MYLK: variants seen among roughly 807,000 people sequenced by gnomAD.
The protein encoded by MYLK is myosin light chain kinase.
MYLK carries 106 observed loss-of-function variants against 203.4 expected under a neutral mutation model. The observed-to-expected ratio is 0.52, with a 90% CI of 0.45 to 0.61. MYLK has a LOEUF of 0.61. Ranked by LOEUF, MYLK falls within the 20% of genes least tolerant of loss-of-function variation. The probability of loss-of-function intolerance (pLI) is 0.00; values close to 1 mark genes in which losing one functional copy is unlikely to be tolerated. For missense variants in MYLK, 2,072 were observed against 2,442.3 expected (o/e 0.85, Z 3.20); for synonymous variants, 867 against 959.5 (o/e 0.90, Z 1.78).
chr3:123,881,006 C>A (rs72974255), intron 1 of MYLK, among the ~76,000 whole-genome samples: 6 of 152,140 alleles, frequency 3.9e-5, no homozygotes, highest in Non-Finnish European at 7.3e-5. Context: ...TGGCATCAAA[C>A]GAATGGAAAA....
chr3:123,830,019 C>T (rs768771616), intron 3 of MYLK, among the ~76,000 whole-genome samples: 17 of 152,142 alleles, frequency 1.1e-4, no homozygotes, highest in Non-Finnish European at 2.2e-4. Flanking sequence ...TGCAAATGTT[C>T]CCGTCACAGC....
chr3:123,803,758 C>A (rs7613712), intron 3 of MYLK, among the ~76,000 whole-genome samples: 1 of 152,278 alleles, frequency 6.6e-6, no homozygotes, highest in South Asian at 2.1e-4. Context: ...CAGGCAGGCA[C>A]ACCTGGTCCT....
intron 2 of MYLK, among the ~76,000 whole-genome samples, chr3:123,876,023 C>G (rs539466047): frequency 6.6e-6 from 1 of 152,272 alleles, no homozygotes; most frequent in South Asian, 2.1e-4. Flanking sequence ...TAATATTCCT[C>G]AGACTTATTC....
chr3:123,801,503 G>C (rs2065194357), intron 3 of MYLK, among the ~76,000 whole-genome samples: 1 of 152,146 alleles, frequency 6.6e-6, no homozygotes, highest in African/African-American at 2.4e-5. Context: ...CTGAGGCTTG[G>C]GGTATGATTA....
At chr3:123,814,509 T>C (rs1387589863) in intron 3 of MYLK, among the ~76,000 whole-genome samples, 2 of 152,190 alleles carry the variant, frequency 1.3e-5, no homozygotes, top group Admixed American at 6.5e-5. Context: ...AAATGACTTT[T>C]CCCCCAATAT....
At chr3:123,761,052 T>C (rs1258352747) in intron 4 of MYLK, among the ~76,000 whole-genome samples, 1 of 152,128 alleles carries the variant, frequency 6.6e-6, no homozygotes, top group Non-Finnish European at 1.5e-5. Flanking sequence ...ATAATAAATC[T>C]GGAGTTTTTA....
At chr3:123,824,127 T>C (rs1186753699) in intron 3 of MYLK, among the ~76,000 whole-genome samples, 1 of 151,678 alleles carries the variant, frequency 6.6e-6, no homozygotes, top group Non-Finnish European at 1.5e-5. Context: ...TTCACTCTTG[T>C]CCCCCAGGCT....
At chr3:123,690,704 C>T (rs983082028) in intron 19 of MYLK, among the ~76,000 whole-genome samples, 1 of 152,104 alleles carries the variant, frequency 6.6e-6, no homozygotes, top group Admixed American at 6.5e-5. Flanking sequence ...AAGAGGCCAC[C>T]CTTATCCTTT....
chr3:123,680,087 A>G (rs1576527748), intron 20 of MYLK, among the ~76,000 whole-genome samples: 1 of 152,142 alleles, frequency 6.6e-6, no homozygotes, highest in Non-Finnish European at 1.5e-5. Context: ...AGTGGTTTAA[A>G]TGCTCCCCAG....
At chr3:123,677,466 G>C (rs757296346) in intron 20 of MYLK, among the ~76,000 whole-genome samples, 4 of 150,444 alleles carry the variant, frequency 2.7e-5, no homozygotes, top group Non-Finnish European at 5.9e-5. Context: ...CCTGGAGTCC[G>C]ACAGGAGTAT....
chr3:123,756,150 G>A (rs1459964843), intron 4 of MYLK, among the ~76,000 whole-genome samples: 1 of 152,188 alleles, frequency 6.6e-6, no homozygotes, highest in Non-Finnish European at 1.5e-5. Context: ...AGGTTGAGTG[G>A]TTGTCTCCAT....
chr3:123,693,028 C>A (rs1468659681), intron 18 of MYLK, among the ~76,000 whole-genome samples, 177 bp from the exon 19 acceptor site: 2 of 152,150 alleles, frequency 1.3e-5, no homozygotes, highest in Non-Finnish European at 1.5e-5. Context: ...CTGCTTATAA[C>A]CCATGTCCAA....
chr3:123,621,675 A>C (rs2057867999), intron 31 of MYLK: 1 of 152,238 alleles, frequency 6.6e-6, no homozygotes, highest in Admixed American at 6.5e-5. Flanking sequence ...GGATGACCTT[A>C]CTGTCATGCC....
chr3:123,737,648 C>T, intron 7 of MYLK, 105 bp from the exon 8 acceptor site: 1 of 1,448,624 alleles, frequency 6.9e-7, no homozygotes, highest in Non-Finnish European at 9.6e-7. Context: ...AGGGCCTGGG[C>T]AGCAGCGTCC....
chr3:123,635,480 A>G (rs2058608027), intron 29 of MYLK, among the ~76,000 whole-genome samples: 1 of 152,170 alleles, frequency 6.6e-6, no homozygotes, highest in South Asian at 2.1e-4. Context: ...AAGATGTGGC[A>G]CAGGATTGAT....
intron 3 of MYLK, among the ~76,000 whole-genome samples, chr3:123,830,295 C>T (rs903445332): frequency 1.3e-5 from 2 of 152,338 alleles, no homozygotes; most frequent in Middle Eastern, 3.4e-3. Context: ...AAGCCCCCAT[C>T]TGAGCCACAT....
chr3:123,741,904 T>C (rs2062867171), intron 5 of MYLK, among the ~76,000 whole-genome samples: 1 of 152,218 alleles, frequency 6.6e-6, no homozygotes, highest in Non-Finnish European at 1.5e-5. Flanking sequence ...GCTATGATCC[T>C]CTCCGCTCCA....
intron 27 of MYLK, among the ~76,000 whole-genome samples, chr3:123,643,421 G>A (rs534910279): frequency 1.3e-5 from 2 of 152,302 alleles, no homozygotes; most frequent in African/African-American, 4.8e-5. Flanking sequence ...AATTCCTGCT[G>A]CATTTCTGGA....
chr3:123,691,055 T>C lies in MYLK; in HGVS notation c.3565+1680A>G, dbSNP rs867703418. Among the ~76,000 whole-genome samples the C allele has an allele frequency of 5.3e-5, 8 of 152,214 alleles. No homozygotes were observed. In the South Asian group the frequency reaches 1.7e-3, roughly 32 times the overall value. ...AGAAAAGGTGCTGACATTTTACAGA[T>C]AGGGAGAATGAATTGCTCTCCTGCC... On this transcript the variant is annotated intron_variant, in intron 19 of 33. Transcript: ENST00000360304.
Sources: allele counts gnomAD v4.1 joint callset (sites outside exome capture counted in the v4.1 genomes callset), GRCh38; gene constraint gnomAD v4.1.1; transcripts MANE v1.5; gene names NCBI Gene and HGNC (gene_info 2026-07-23, HGNC 2026-07-21).